BMP6: variants seen among roughly 807,000 people sequenced by gnomAD.
BMP6 encodes the protein VG-1-R.
In BMP6, 17 loss-of-function variants were observed where a neutral mutation model predicts 54.1. The ratio of observed to expected loss-of-function variants is 0.31; its 90% CI spans 0.22 to 0.47. The LOEUF (loss-of-function observed/expected upper bound fraction) is 0.47. Ranked by LOEUF, BMP6 falls within the 20% of genes least tolerant of loss-of-function variation. The pLI is 1.00. For synonymous variants in BMP6, 328 were observed against 291.2 expected (o/e 1.13, Z -1.28); for missense variants, 720 against 690.4 (o/e 1.04, Z -0.48).
At chr6:7,854,686 C>T (rs1355008300) in intron 2 of BMP6, among the ~76,000 whole-genome samples, 1 of 152,204 alleles carries the variant, frequency 6.6e-6, no homozygotes, top group Non-Finnish European at 1.5e-5. Context: ...ATCTCAGCTA[C>T]TCAGGAGGCT....
intron 1 of BMP6, among the ~76,000 whole-genome samples, chr6:7,779,302 A>G (rs545284795): frequency 6.6e-6 from 1 of 152,214 alleles, no homozygotes; most frequent in African/African-American, 2.4e-5. Context: ...TTTAAGCTCT[A>G]GTAAGATTTT....
intron 1 of BMP6, among the ~76,000 whole-genome samples, chr6:7,830,719 A>G (rs1243020123): frequency 2.6e-5 from 4 of 152,228 alleles, no homozygotes; most frequent in Non-Finnish European, 5.9e-5. Context: ...ATATGGCGGC[A>G]ATCAAGAAAG....
chr6:7,852,905 A>G (rs1759168300), intron 2 of BMP6, among the ~76,000 whole-genome samples: 1 of 152,152 alleles, frequency 6.6e-6, no homozygotes, highest in Non-Finnish European at 1.5e-5. Flanking sequence ...CTTCTATGAG[A>G]TCACTTTTAT....
intron 1 of BMP6, among the ~76,000 whole-genome samples, chr6:7,762,250 T>C (rs1757624502): frequency 6.6e-6 from 1 of 152,182 alleles, no homozygotes; most frequent in African/African-American, 2.4e-5. Context: ...AGGAAGGGGT[T>C]GTATCTTGAT....
intron 1 of BMP6, among the ~76,000 whole-genome samples, chr6:7,820,447 A>T (rs1473051448): frequency 6.6e-6 from 1 of 152,182 alleles, no homozygotes; most frequent in Non-Finnish European, 1.5e-5. Flanking sequence ...GGACTTGCTG[A>T]TGACTGCGCA....
chr6:7,867,695 G>T (rs939930099), intron 4 of BMP6, among the ~76,000 whole-genome samples: 3 of 152,186 alleles, frequency 2.0e-5, no homozygotes, highest in Admixed American at 2.0e-4. Flanking sequence ...AGTAGAGTTT[G>T]GTTCAGGGCT....
chr6:7,758,434 A>G (rs1757558796), intron 1 of BMP6, among the ~76,000 whole-genome samples: 1 of 152,178 alleles, frequency 6.6e-6, no homozygotes, highest in African/African-American at 2.4e-5. Flanking sequence ...TTTTCAAGAC[A>G]AAGAAATCCA....
At chr6:7,779,481 G>A (rs756027097) in intron 1 of BMP6, among the ~76,000 whole-genome samples, 6 of 152,070 alleles carry the variant, frequency 3.9e-5, no homozygotes, top group Non-Finnish European at 8.8e-5. Context: ...TGGGATTACA[G>A]GCGCCCACCA....
chr6:7,817,565 G>A (rs1200427034), intron 1 of BMP6, among the ~76,000 whole-genome samples: 1 of 139,200 alleles, frequency 7.2e-6, no homozygotes. Flanking sequence ...CACACACGGG[G>A]GCCTGTCGTG....
At chr6:7,767,276 A>G (rs1757708243) in intron 1 of BMP6, among the ~76,000 whole-genome samples, 1 of 152,144 alleles carries the variant, frequency 6.6e-6, no homozygotes, top group Non-Finnish European at 1.5e-5. Context: ...GCCTGGCGGA[A>G]TAGTATAATT....
chr6:7,873,027 A>G (rs1476954445), intron 4 of BMP6, among the ~76,000 whole-genome samples: 2 of 151,976 alleles, frequency 1.3e-5, no homozygotes, highest in Non-Finnish European at 2.9e-5. Context: ...GCTGATCTCA[A>G]ACTCATGGGT....
At chr6:7,764,179 G>A (rs750034737) in intron 1 of BMP6, among the ~76,000 whole-genome samples, 1 of 152,290 alleles carries the variant, frequency 6.6e-6, no homozygotes, top group East Asian at 1.9e-4. Context: ...TGAGGCTGTT[G>A]GAGCATGGAG....
chr6:7,874,753 T>C (rs1436992437), intron 4 of BMP6, among the ~76,000 whole-genome samples: 1 of 152,044 alleles, frequency 6.6e-6, no homozygotes, highest in Admixed American at 6.6e-5. Context: ...GTCTCAAAAA[T>C]TTCTTAAAAA....
intron 1 of BMP6, among the ~76,000 whole-genome samples, chr6:7,751,670 G>C (rs1757427970): frequency 6.6e-6 from 1 of 152,132 alleles, no homozygotes; most frequent in Non-Finnish European, 1.5e-5. Flanking sequence ...ACCTATAATG[G>C]CCACAGAATT....
intron 1 of BMP6, among the ~76,000 whole-genome samples, chr6:7,784,854 G>A (rs1175247141): frequency 3.3e-5 from 5 of 152,228 alleles, no homozygotes; most frequent in Non-Finnish European, 5.9e-5. Context: ...GGATTGCACA[G>A]TCACCTCCTC....
intron 1 of BMP6, among the ~76,000 whole-genome samples, chr6:7,801,325 T>A (rs1374228834): frequency 1.3e-5 from 2 of 152,230 alleles, no homozygotes; most frequent in African/African-American, 4.8e-5. Flanking sequence ...AATCCAGTGC[T>A]TCATCGCTGA....
chr6:7,763,545 G>A (rs1220181939), intron 1 of BMP6, among the ~76,000 whole-genome samples: 1 of 152,126 alleles, frequency 6.6e-6, no homozygotes, highest in African/African-American at 2.4e-5. Flanking sequence ...CGGGTTTCAT[G>A]CTAAAAGCTA....
chr6:7,763,776 G>GA (rs914340782), intron 1 of BMP6, among the ~76,000 whole-genome samples: 52 of 151,434 alleles, frequency 3.4e-4, no homozygotes, highest in East Asian at 2.7e-3. Context: ...TAAAAGGAAA[G>GA]AAAAAAAAAT....
chr6:7,738,621 G>C (rs1194500436), intron 1 of BMP6, among the ~76,000 whole-genome samples: 5 of 152,178 alleles, frequency 3.3e-5, no homozygotes, highest in African/African-American at 1.2e-4. Flanking sequence ...CATTGCTAAA[G>C]GCTCTTAATT....
Sources: allele counts gnomAD v4.1 joint callset (sites outside exome capture counted in the v4.1 genomes callset), GRCh38; gene constraint gnomAD v4.1.1; transcripts MANE v1.5; gene names NCBI Gene and HGNC (gene_info 2026-07-23, HGNC 2026-07-21).